OS9: variants seen among roughly 807,000 people sequenced by gnomAD.
OS9 encodes OS9 endoplasmic reticulum lectin.
A neutral mutation model predicts 84.7 loss-of-function variants in OS9; 58 were observed. The ratio of observed to expected loss-of-function variants is 0.68; its 90% CI spans 0.55 to 0.85. The LOEUF is 0.85. Ranked by LOEUF, OS9 falls within the 40% of genes least tolerant of loss-of-function variation. OS9 has a pLI of 0.00. For synonymous variants in OS9, 278 were observed against 320.8 expected (o/e 0.87, Z 1.43); for missense variants, 760 against 850.9 (o/e 0.89, Z 1.33).
intron 5 of OS9, among the ~76,000 whole-genome samples, chr12:57,708,846 C>T (rs890407509): frequency 3.3e-5 from 5 of 152,142 alleles, no homozygotes; most frequent in African/African-American, 1.2e-4. Flanking sequence ...CTATGTGCTG[C>T]AGTAAGTTTG....
At chr12:57,694,971 A>C in intron 2 of OS9, 45 bp downstream of exon 2, 1 of 1,570,080 alleles carries the variant, frequency 6.4e-7, no homozygotes, top group Non-Finnish European at 8.8e-7. Flanking sequence ...GGAAACTAGC[A>C]GTTCATCCAA....
chr12:57,720,922 ACTTGACC>A lies in OS9; in HGVS notation c.*17_*23del. On this transcript the variant is annotated 3_prime_UTR_variant, in exon 15 of 15. Transcript: ENST00000315970. Reference sequence around the variant, plus strand: ...ATTTGACTTCTGAGACCAACACTACACTTGACCCTTCACGGAATCCAGACTCTTCCTG... The same window carrying A: ...ATTTGACTTCTGAGACCAACACTACACTTCACGGAATCCAGACTCTTCCTG... The A allele has an allele frequency of 1.9e-6, 3 of 1,613,704 alleles. No homozygotes were observed. The highest frequency in any genetic ancestry group is 2.5e-6 in the Non-Finnish European group (3 of 1,179,794).
In OS9 at chr12:57,718,311, G is replaced by C; in HGVS notation, c.1300G>C (p.Gly434Arg). ...AGATGAGGATGAACGGCAGTTACTG[G>C]GAGAATTTGAGAAGGAACTGGAAGG... ...DEDEDERQLL[G>R]EFEKELEGIL... Residue 434 changes from glycine (G) to arginine (R), a missense_variant, in exon 11 of 15, where the codon GGA becomes CGA. By Grantham distance (125) the Gly-to-Arg change is moderately radical. Coordinates refer to ENST00000315970, the MANE Select transcript of OS9 (RefSeq NM_006812.4). 2 of 1,614,226 alleles carry C rather than the reference G, an allele frequency of 1.2e-6. No homozygotes were observed. The highest frequency in any genetic ancestry group is 2.2e-5 in the South Asian group (2 of 91,088).
At chr12:57,716,279 T>TGGGGGGGGGGGG (rs141328077) in intron 7 of OS9, 86 bp downstream of exon 7, 2 of 511,634 alleles carry the variant, frequency 3.9e-6, no homozygotes, top group Non-Finnish European at 7.0e-6. Context: ...ACTGGTGGGG[T>TGGGGGGGGGGGG]GGGGGGGGGT....
At chr12:57,696,427 A>T in intron 5 of OS9, 54 bp downstream of exon 5, 1 of 529,464 alleles carries the variant, frequency 1.9e-6, no homozygotes. Flanking sequence ...TCAGATTCTA[A>T]GGGAAGAGGG....
At position 57,694,207 on chromosome 12, in the gene OS9, C is replaced by T. The variant is rs558795850; in HGVS notation, c.46C>T (p.Leu16=). The change falls in exon 1 of 15, where the codon CTG becomes TTG. Residue 16 remains leucine, a synonymous_variant. Transcript: ENST00000315970. ...GTCCAGTTTGTTAGGACTGCTGCTT[C>T]TGGGACTCCTGTTACCCGCAAGTCT... ...LLSSLLGLLL[L]GLLLPASLTG... is the part of the protein sequence containing the mutation. 3 of 1,614,166 alleles carry T rather than the reference C, an allele frequency of 1.9e-6. No homozygotes were observed. In the African/African-American group the frequency reaches 4.0e-5, roughly 22 times the overall value.
rs1372943730 is a variant in OS9, at chr12:57,695,964, T to C, written c.406T>C (p.Ser136Pro). The change falls in exon 4 of 15, where the codon TCA (serine) becomes CCA (proline). Residue 136 changes from serine to proline, a missense_variant and splice_region_variant. By Grantham distance (74) the Ser-to-Pro change is moderately conservative (BLOSUM62 -1). Coordinates refer to ENST00000315970, the MANE Select transcript of OS9 (RefSeq NM_006812.4). ...CTTCACTGTGGCTTCCCTTGCAGAT[T>C]CAGAGATCAAAGGTGAAGTCCTCTA... is the stretch of plus-strand genomic sequence containing the variant. ...RHIQQYHMEDSEIKGEVLYLG... is the reference protein window; with the variant it reads ...RHIQQYHMEDPEIKGEVLYLG... 2.5e-6 allele frequency: 4 copies of C among 1,612,370 alleles called. No individual in the cohort carries two copies. The highest frequency in any genetic ancestry group is 3.4e-6 in the Non-Finnish European group (4 of 1,178,498).
chr12:57,712,850 AGTG>A (rs1954372083), intron 5 of OS9, among the ~76,000 whole-genome samples: 1 of 151,438 alleles, frequency 6.6e-6, no homozygotes, highest in Non-Finnish European at 1.5e-5. Context: ...ACTAGATGAC[AGTG>A]GTTTCAGCAG....
chr12:57,700,365 G>A (rs934238995), intron 5 of OS9, among the ~76,000 whole-genome samples: 1 of 152,036 alleles, frequency 6.6e-6, no homozygotes, highest in African/African-American at 2.4e-5. Context: ...GCAGAACCCT[G>A]GGAGAGCAAT....
intron 5 of OS9, among the ~76,000 whole-genome samples, chr12:57,707,803 A>G (rs573134868): frequency 6.6e-6 from 1 of 152,022 alleles, no homozygotes; most frequent in Non-Finnish European, 1.5e-5. Context: ...ACATTAAAAA[A>G]TTCTGGCCAG....
chr12:57,696,388 A>C lies in OS9; in HGVS notation c.579+15A>C. ...CCGAGGTTCGGGTGAGTCTTGAGAG[A>C]GGGAAGTTGACACTCCCACAGGGAC... is the stretch of plus-strand genomic sequence containing the variant. On this transcript the variant is annotated intron_variant, in intron 5 of 14. Coordinates refer to ENST00000315970, the MANE Select transcript of OS9 (RefSeq NM_006812.4). 1 of 1,335,684 alleles carries C rather than the reference A, an allele frequency of 7.5e-7. No homozygotes were observed. The highest frequency in any genetic ancestry group is 1.0e-6 in the Non-Finnish European group (1 of 1,002,970). The allele number at this position is 1,335,684 out of a possible 1,614,324, so 82.7% of individuals were successfully genotyped here. A position where few individuals can be genotyped will look rare whatever the true frequency, so the allele number is the denominator to read the frequency against.
At chr12:57,712,804 C>T (rs1006232652) in intron 5 of OS9, among the ~76,000 whole-genome samples, 46 of 151,844 alleles carry the variant, frequency 3.0e-4, no homozygotes, top group Non-Finnish European at 6.3e-4. Context: ...AGTGTCTCTT[C>T]TCAGAGTGCA....
Position 57,694,849 on chromosome 12 carries a change from G to A in OS9, c.262G>A (p.Glu88Lys), listed in dbSNP as rs139220238. ...TATTCACTTCCAGCGTGAAAGGGAGGAGGAAACACCTGCTTACCAAGGGCC... is the reference window on the plus strand; with the variant it reads ...TATTCACTTCCAGCGTGAAAGGGAGAAGGAAACACCTGCTTACCAAGGGCC... ...GAIHFQRERE[E>K]ETPAYQGPGI... Residue 88 changes from glutamate to lysine, a missense_variant, in exon 2 of 15, where the codon GAG becomes AAG. Physicochemically the swap from Glu to Lys is moderately conservative, Grantham distance 56. Coordinates refer to ENST00000315970, the MANE Select transcript of OS9 (RefSeq NM_006812.4). 12 of 1,614,038 alleles carry A rather than the reference G, an allele frequency of 7.4e-6. No individual in the cohort carries two copies. The African/African-American group carries it at 1.5e-4, about 20-fold the overall frequency.
chr12:57,708,306 C>T (rs1193540925), intron 5 of OS9, among the ~76,000 whole-genome samples: 2 of 151,500 alleles, frequency 1.3e-5, no homozygotes, highest in African/African-American at 2.4e-5. Flanking sequence ...AAGCATATAT[C>T]TTTGCACTCT....
At chr12:57,712,634 T>G (rs571096913) in intron 5 of OS9, among the ~76,000 whole-genome samples, 14 of 152,312 alleles carry the variant, frequency 9.2e-5, no homozygotes, top group African/African-American at 3.4e-4. Flanking sequence ...TGTTTCTGCA[T>G]GTTTCATAAT....
intron 5 of OS9, among the ~76,000 whole-genome samples, chr12:57,697,232 A>G (rs1953874214): frequency 6.6e-6 from 1 of 152,218 alleles, no homozygotes; most frequent in Non-Finnish European, 1.5e-5. Flanking sequence ...CGCAAGTCAA[A>G]TGATGTCAAC....
rs756276206 is a variant in OS9 at position 57,715,836 on chromosome 12, T to A, written c.656T>A (p.Val219Glu). Residue 219 changes from valine (V) to glutamate (E), a missense_variant, in exon 6 of 15, where the codon GTG becomes GAG. By Grantham distance (121) the Val-to-Glu change is moderately radical. Coordinates refer to ENST00000315970, the MANE Select transcript of OS9 (RefSeq NM_006812.4). ...RVDEPLSCSY[V>E]LTIRTPRLCP... is the part of the protein sequence containing the mutation. ...GACGAGCCCTTGTCCTGCTCTTATG[T>A]GCTGACCATTCGCACTCCTCGGCTC... The A allele has an allele frequency of 6.2e-7, 1 of 1,614,010 alleles. No homozygotes were observed. The highest frequency in any genetic ancestry group is 8.5e-7 in the Non-Finnish European group (1 of 1,179,958).
chr12:57,695,421 A>G (rs1595024174), intron 2 of OS9: 1 of 459,960 alleles, frequency 2.2e-6, no homozygotes, highest in East Asian at 5.3e-5. Flanking sequence ...GGAATGTTCA[A>G]GAAGTTCAAT....
At chr12:57,698,687 C>T (rs961523038) in intron 5 of OS9, among the ~76,000 whole-genome samples, 2 of 152,030 alleles carry the variant, frequency 1.3e-5, no homozygotes, top group East Asian at 1.9e-4. Flanking sequence ...ATGGAAGGTG[C>T]GCTAAGTGCA....
Sources: allele counts gnomAD v4.1 joint callset (sites outside exome capture counted in the v4.1 genomes callset), GRCh38; gene constraint gnomAD v4.1.1; transcripts MANE v1.5; gene names NCBI Gene and HGNC (gene_info 2026-07-23, HGNC 2026-07-21).